VMP1: variants seen among roughly 807,000 people sequenced by gnomAD.
The protein encoded by VMP1 is ectopic P-granules autophagy protein 3 homolog.
VMP1 carries 11 observed loss-of-function variants against 56.0 expected under a neutral mutation model. The ratio of observed to expected loss-of-function variants is 0.20; its 90% CI spans 0.12 to 0.32. VMP1 has a LOEUF of 0.32. Among genes scored for constraint, VMP1 ranks in the 10% least tolerant of loss-of-function variants. The probability of loss-of-function intolerance (pLI) is 1.00; values close to 1 mark genes in which losing one functional copy is unlikely to be tolerated. For missense variants in VMP1, 296 were observed against 490.3 expected (o/e 0.60, Z 3.74); for synonymous variants, 149 against 165.0 (o/e 0.90, Z 0.74).
At chr17:59,790,001 G>C (rs563117683) in intron 7 of VMP1, among the ~76,000 whole-genome samples, 29 of 151,784 alleles carry the variant, frequency 1.9e-4, no homozygotes, top group South Asian at 1.7e-3. Flanking sequence ...CACCATGCCC[G>C]GCTGTTTTTT....
intron 5 of VMP1, among the ~76,000 whole-genome samples, chr17:59,741,727 A>G (rs1403598222): frequency 3.3e-5 from 5 of 152,152 alleles, no homozygotes; most frequent in Non-Finnish European, 5.9e-5. Flanking sequence ...GTAGTTACCC[A>G]TTTTTACGTT....
intron 5 of VMP1, among the ~76,000 whole-genome samples, chr17:59,749,373 AAAG>A (rs2035556815): frequency 6.6e-6 from 1 of 152,152 alleles, no homozygotes; most frequent in South Asian, 2.1e-4. Context: ...CAGAAAACCC[AAAG>A]AAGAGAGACT....
chr17:59,775,975 G>T (rs1379647775), intron 7 of VMP1, among the ~76,000 whole-genome samples: 1 of 152,114 alleles, frequency 6.6e-6, no homozygotes, highest in African/African-American at 2.4e-5. Flanking sequence ...AACTTTGGGA[G>T]GCTGAAACAG....
At chr17:59,813,474 G>A (rs1327993247) in intron 9 of VMP1, among the ~76,000 whole-genome samples, 2 of 151,944 alleles carry the variant, frequency 1.3e-5, no homozygotes, top group South Asian at 2.1e-4. Flanking sequence ...CTACTCAGGA[G>A]CCTGAGGCAG....
chr17:59,799,733 C>CG (rs2037571499), intron 7 of VMP1, among the ~76,000 whole-genome samples: 3 of 152,026 alleles, frequency 2.0e-5, no homozygotes, highest in African/African-American at 7.2e-5. Context: ...GAGGCCAAGG[C>CG]GGGAGGATCA....
intron 10 of VMP1, among the ~76,000 whole-genome samples, chr17:59,819,605 C>T (rs1373673264): frequency 6.6e-6 from 1 of 152,124 alleles, no homozygotes; most frequent in Non-Finnish European, 1.5e-5. Flanking sequence ...AGGTGTACGC[C>T]ACCACACCCA....
At chr17:59,751,077 C>T (rs529098102) in intron 5 of VMP1, among the ~76,000 whole-genome samples, 3 of 151,758 alleles carry the variant, frequency 2.0e-5, no homozygotes, top group Non-Finnish European at 4.4e-5. Flanking sequence ...GGACTACAGG[C>T]GCCCACCACC....
chr17:59,746,114 T>C (rs985781200), intron 5 of VMP1, among the ~76,000 whole-genome samples: 4 of 152,336 alleles, frequency 2.6e-5, no homozygotes, highest in Non-Finnish European at 4.4e-5. Context: ...CCTACGTGTT[T>C]GGCTTTAAAA....
chr17:59,731,673 G>A (rs997244310), intron 2 of VMP1, 151 bp downstream of exon 2: 3 of 481,022 alleles, frequency 6.2e-6, no homozygotes, highest in Non-Finnish European at 1.0e-5. Context: ...GGCCTGTAAG[G>A]TGATATTTCA....
intron 11 of VMP1, chr17:59,839,313 C>T (rs2039084141): frequency 6.3e-6 from 1 of 157,830 alleles, no homozygotes; most frequent in Non-Finnish European, 1.4e-5. Context: ...TTTTTAATGG[C>T]CTTGCACTCT....
At chr17:59,784,386 T>G (rs2036935004) in intron 7 of VMP1, among the ~76,000 whole-genome samples, 1 of 152,148 alleles carries the variant, frequency 6.6e-6, no homozygotes, top group African/African-American at 2.4e-5. Context: ...CTGGCTTCTT[T>G]GTGAACTATT....
intron 7 of VMP1, among the ~76,000 whole-genome samples, chr17:59,787,931 A>G (rs2037063841): frequency 6.6e-6 from 1 of 152,212 alleles, no homozygotes; most frequent in Non-Finnish European, 1.5e-5. Flanking sequence ...TAAGAAAAAC[A>G]TTCTAAAAAA....
chr17:59,826,534 A>G (rs1156608974), intron 10 of VMP1, among the ~76,000 whole-genome samples: 2 of 152,184 alleles, frequency 1.3e-5, no homozygotes, highest in Non-Finnish European at 2.9e-5. Flanking sequence ...GCTGAGGGAA[A>G]AACTCTAGTA....
intron 5 of VMP1, among the ~76,000 whole-genome samples, chr17:59,747,366 T>C (rs1041601609): frequency 5.9e-5 from 9 of 151,434 alleles, no homozygotes; most frequent in Admixed American, 5.3e-4. Context: ...AAGACCAGCC[T>C]GGGCAACAAA....
At chr17:59,812,223 T>C (rs1286808378) in intron 9 of VMP1, among the ~76,000 whole-genome samples, 2 of 152,120 alleles carry the variant, frequency 1.3e-5, no homozygotes, top group East Asian at 3.8e-4. Context: ...TCACATACTC[T>C]ATATATATAG....
At chr17:59,782,386 A>G (rs1311708771) in intron 7 of VMP1, among the ~76,000 whole-genome samples, 26 of 152,018 alleles carry the variant, frequency 1.7e-4, no homozygotes, top group Non-Finnish European at 3.5e-4. Flanking sequence ...TTTGTCTTAT[A>G]TTTTGTTGTT....
chr17:59,796,385 A>G (rs1188094495), intron 7 of VMP1, among the ~76,000 whole-genome samples: 2 of 152,328 alleles, frequency 1.3e-5, no homozygotes, highest in East Asian at 3.9e-4. Flanking sequence ...AATATTTGGC[A>G]TGTAGTAAAC....
chr17:59,764,108 A>G (rs1213245044), intron 5 of VMP1, among the ~76,000 whole-genome samples: 3 of 152,218 alleles, frequency 2.0e-5, no homozygotes, highest in Non-Finnish European at 4.4e-5. Context: ...GGGAAAGGTT[A>G]CATGAGGTGG....
intron 6 of VMP1, among the ~76,000 whole-genome samples, chr17:59,771,957 G>T (rs144138097): frequency 1.3e-5 from 2 of 151,760 alleles, no homozygotes; most frequent in African/African-American, 2.4e-5. Context: ...TGCCTTCTCT[G>T]TCTGTTTTTT....
Sources: gnomAD v4.1 joint callset for allele counts (sites outside exome capture counted in the v4.1 genomes callset) on GRCh38, gnomAD v4.1.1 for gene constraint, MANE v1.5 for transcripts, NCBI Gene and HGNC (gene_info 2026-07-23, HGNC 2026-07-21) for gene names.